GAP43: variants seen among roughly 807,000 people sequenced by gnomAD.
GAP43 encodes neuromodulin.
In GAP43, 6 loss-of-function variants were observed where a neutral mutation model predicts 18.6. The observed-to-expected ratio is 0.32, with a 90% CI of 0.18 to 0.64. GAP43 has a LOEUF of 0.64. Among genes scored for constraint, GAP43 ranks in the 30% least tolerant of loss-of-function variants. The pLI is 0.78. For missense variants in GAP43, 292 were observed against 295.5 expected (o/e 0.99, Z 0.09); for synonymous variants, 115 against 111.4 (o/e 1.03, Z -0.20).
intron 2 of GAP43, among the ~76,000 whole-genome samples, chr3:115,680,277 G>A (rs1044028319): frequency 9.2e-5 from 14 of 152,064 alleles, no homozygotes; most frequent in Non-Finnish European, 1.5e-5. Flanking sequence ...GGCAACAGAA[G>A]GAGACCCCAT....
At chr3:115,636,731 G>A (rs1413536596) in intron 1 of GAP43, among the ~76,000 whole-genome samples, 1 of 152,026 alleles carries the variant, frequency 6.6e-6, no homozygotes, top group Non-Finnish European at 1.5e-5. Flanking sequence ...TTATGGTTGT[G>A]TTTCAAGGCT....
At chr3:115,691,682 T>C (rs1298277155) in intron 2 of GAP43, among the ~76,000 whole-genome samples, 2 of 152,210 alleles carry the variant, frequency 1.3e-5, no homozygotes, top group Non-Finnish European at 2.9e-5. Context: ...CACATAATGA[T>C]TTGCAGTCTC....
rs1708878836 is a variant in GAP43 at position 115,676,026 on chromosome 3, A to T, written c.44A>T (p.Asp15Val). 1 of 1,597,258 alleles carries T rather than the reference A, an allele frequency of 6.3e-7. No individual in the cohort carries two copies. The highest frequency in any genetic ancestry group is 2.2e-5 in the East Asian group (1 of 44,694). ...MRRTKQVEKN[D>V]DDQKIEQDGI... ...TTCTCGACAAAGGTTGAAAAAAATG[A>T]TGACGACCAAAAGATTGAACAAGAT... The change falls in exon 2 of 3, where the codon GAT becomes GTT. Residue 15 changes from aspartate to valine, a missense_variant. Coordinates refer to ENST00000305124, the MANE Select transcript of GAP43 (RefSeq NM_002045.4).
chr3:115,649,003 T>G (rs1708492845), intron 1 of GAP43, among the ~76,000 whole-genome samples: 1 of 152,056 alleles, frequency 6.6e-6, no homozygotes, highest in South Asian at 2.1e-4. Flanking sequence ...TAGAAGAAGG[T>G]TGAAGTAGAA....
chr3:115,720,796 G>T lies in GAP43; in HGVS notation c.631G>T (p.Ala211Ser), dbSNP rs933420290. 8 of 1,610,870 alleles carry T rather than the reference G, an allele frequency of 5.0e-6. No individual in the cohort carries two copies. In the Admixed American group the frequency reaches 1.2e-4, roughly 24 times the overall value. The stretch of plus-strand genomic sequence containing the variant: ...TCCTATCTTGTTTTCTTTCTCAGAA[G>T]CTGTAGATGAAACCAAACCTAAGGA... ...ESSQAEENIE[A>S]VDETKPKESA... The change falls in exon 3 of 3, where the codon GCT becomes TCT. Residue 211 changes from alanine to serine, a missense_variant and splice_region_variant. By Grantham distance (99) the Ala-to-Ser change is moderately conservative. Coordinates refer to ENST00000305124, the MANE Select transcript of GAP43 (RefSeq NM_002045.4).
chr3:115,686,752 T>A (rs968328585), intron 2 of GAP43, among the ~76,000 whole-genome samples: 2 of 152,216 alleles, frequency 1.3e-5, no homozygotes, highest in African/African-American at 2.4e-5. Context: ...AAAATAGACA[T>A]GTTGATGGAG....
At chr3:115,678,547 A>G (rs1037209071) in intron 2 of GAP43, among the ~76,000 whole-genome samples, 1 of 152,128 alleles carries the variant, frequency 6.6e-6, no homozygotes, top group African/African-American at 2.4e-5. Flanking sequence ...TCAAATATTG[A>G]ATATAAATTG....
chr3:115,716,719 TATA>T (rs1709508445), intron 2 of GAP43, among the ~76,000 whole-genome samples: 12 of 10,420 alleles, frequency 1.2e-3, no homozygotes, highest in Non-Finnish European at 2.1e-3. Flanking sequence ...CTCAGACAAA[TATA>T]TATATATATA....
intron 1 of GAP43, among the ~76,000 whole-genome samples, chr3:115,652,262 G>A (rs552740450): frequency 7.1e-6 from 1 of 140,892 alleles, no homozygotes; most frequent in African/African-American, 2.6e-5. Context: ...TTCATTTGTT[G>A]TTACCATATT....
intron 2 of GAP43, among the ~76,000 whole-genome samples, chr3:115,711,806 ACT>A (rs1709442842): frequency 9.7e-6 from 1 of 103,344 alleles, no homozygotes; most frequent in Non-Finnish European, 2.3e-5. Flanking sequence ...ATTTTATTTG[ACT>A]GTTTGTTATA....
intron 2 of GAP43, among the ~76,000 whole-genome samples, chr3:115,707,298 GTTAT>G (rs1709376704): frequency 6.6e-6 from 1 of 152,062 alleles, no homozygotes; most frequent in Admixed American, 6.6e-5. Flanking sequence ...TTGTTTGTTT[GTTAT>G]TTATTTGTTT....
At chr3:115,661,779 C>T (rs1708662480) in intron 1 of GAP43, among the ~76,000 whole-genome samples, 1 of 147,208 alleles carries the variant, frequency 6.8e-6, no homozygotes, top group Non-Finnish European at 1.5e-5. Flanking sequence ...TGAGCCACCG[C>T]ACCCAGCAAT....
intron 2 of GAP43, among the ~76,000 whole-genome samples, chr3:115,696,740 G>A (rs1010289756): frequency 1.7e-4 from 26 of 151,878 alleles, no homozygotes; most frequent in African/African-American, 5.8e-4. Context: ...CTTTCTCTTC[G>A]TTTAATATTG....
At chr3:115,654,787 T>C (rs1708561089) in intron 1 of GAP43, among the ~76,000 whole-genome samples, 1 of 152,136 alleles carries the variant, frequency 6.6e-6, no homozygotes, top group Non-Finnish European at 1.5e-5. Flanking sequence ...GATGTGTAAA[T>C]TGGTGGTTTC....
intron 2 of GAP43, among the ~76,000 whole-genome samples, chr3:115,716,766 A>G (rs1709512867): frequency 9.5e-6 from 1 of 104,840 alleles, no homozygotes; most frequent in Admixed American, 9.9e-5. Flanking sequence ...ATATATATAT[A>G]TACAGAGAGA....
chr3:115,681,639 C>G (rs530590020), intron 2 of GAP43, among the ~76,000 whole-genome samples: 1 of 152,076 alleles, frequency 6.6e-6, no homozygotes, highest in African/African-American at 2.4e-5. Flanking sequence ...AAAGGGACTA[C>G]GATAGTTGGT....
intron 2 of GAP43, among the ~76,000 whole-genome samples, chr3:115,720,442 A>G (rs1709563235): frequency 6.6e-6 from 1 of 152,176 alleles, no homozygotes; most frequent in Non-Finnish European, 1.5e-5. Flanking sequence ...ACACTAATAG[A>G]ACAGCAATAC....
chr3:115,627,069 C>T (rs1281647775), intron 1 of GAP43, among the ~76,000 whole-genome samples: 1 of 148,790 alleles, frequency 6.7e-6, no homozygotes, highest in Non-Finnish European at 1.5e-5. Flanking sequence ...TAGTGATTTT[C>T]ACCACAGGTT....
rs562606785 is a variant in GAP43 at position 115,647,085 on chromosome 3, A to G, written c.30+23366A>G. On this transcript the variant is annotated intron_variant, in intron 1 of 2. Coordinates refer to ENST00000305124, the MANE Select transcript of GAP43 (RefSeq NM_002045.4). ...CTGGGATTACTATCACTGAGATAGT[A>G]TTAGGAGGTGGGGCCTTTGGAAGGT... 3.1e-4 allele frequency among the ~76,000 whole-genome samples: 47 copies of G among 152,136 alleles called. 1 individual carries two copies. Among genetic ancestry groups the G allele is most frequent in the African/African-American group, 1.0e-3 (43 of 41,526 alleles).
Sources: gnomAD v4.1 joint callset for allele counts (sites outside exome capture counted in the v4.1 genomes callset) on GRCh38, gnomAD v4.1.1 for gene constraint, MANE v1.5 for transcripts, NCBI Gene and HGNC (gene_info 2026-07-23, HGNC 2026-07-21) for gene names.